The following MPP3 variants were observed in gnomAD, a reference collection of about 807,000 sequenced individuals.
MPP3 encodes the protein MAGUK p55 scaffold protein 3, also known as MAGUK p55 subfamily member 3.
Under a neutral mutation model 80.7 loss-of-function variants are expected in MPP3, and 48 were observed. The observed-to-expected ratio is 0.59, with a 90% CI of 0.47 to 0.76. MPP3 has a LOEUF of 0.76. Among genes scored for constraint, MPP3 ranks in the 30% least tolerant of loss-of-function variants. MPP3 has a pLI of 0.00. For synonymous variants in MPP3, 311 were observed against 297.6 expected, an observed-to-expected ratio of 1.04 and a Z score of -0.46; for missense variants, 620 against 763.0, an observed-to-expected ratio of 0.81 and a Z score of 2.21.
At chr17:43,820,743 T>C (rs549322056) in intron 11 of MPP3, 119 bp downstream of exon 11, 2 of 878,920 alleles carry the variant, frequency 2.3e-6, no homozygotes, top group South Asian at 1.7e-5. Context: ...GGTACTTACC[T>C]TGGGGGAACA....
intron 19 of MPP3, among the ~76,000 whole-genome samples, chr17:43,807,305 C>CT (rs2044660776): frequency 6.7e-6 from 1 of 150,138 alleles, no homozygotes; most frequent in Admixed American, 6.6e-5. Context: ...GAAAATTTTT[C>CT]TTTTTTCTAC....
intron 11 of MPP3, chr17:43,819,083 T>G (rs893963493): frequency 6.6e-6 from 1 of 152,202 alleles, no homozygotes; most frequent in East Asian, 1.9e-4. Flanking sequence ...CAGAATCGCC[T>G]GGAACATTTG....
At position 43,814,228 on chromosome 17, in the gene MPP3, G is replaced by C; in HGVS notation, c.1143C>G (p.Pro381=). The C allele has an allele frequency of 1.9e-6, 3 of 1,613,588 alleles. No individual in the cohort carries two copies. The highest frequency in any genetic ancestry group is 2.5e-6 in the Non-Finnish European group (3 of 1,179,956). The change falls in exon 15 of 20, where the codon CCC becomes CCG. Residue 381 remains proline, a synonymous_variant. Transcript: ENST00000398389. ...GAACCACCAGGCGGGGCCGCTCTCC[G>C]GGCTGGTGTTGGTACCTGGCCACCT... ...YEEVARYQHQ[P]GERPRLVVLI... is the part of the protein sequence containing the mutation.
chr17:43,806,895 A>C (rs1404470731), intron 19 of MPP3, among the ~76,000 whole-genome samples: 7 of 152,140 alleles, frequency 4.6e-5, no homozygotes, highest in African/African-American at 1.7e-4. Flanking sequence ...GGTGTGAGCC[A>C]CTGCACCCAG....
intron 7 of MPP3, among the ~76,000 whole-genome samples, chr17:43,829,089 TAAA>T (rs2045844037): frequency 3.3e-5 from 5 of 152,206 alleles, no homozygotes; most frequent in Admixed American, 3.3e-4. Context: ...CTTTGCTCGG[TAAA>T]TCAATGCTGA....
chr17:43,827,693 G>C (rs2045776663), intron 8 of MPP3, 58 bp downstream of exon 8: 1 of 1,551,226 alleles, frequency 6.4e-7, no homozygotes, highest in African/African-American at 1.4e-5. Context: ...AAAGGTGGAG[G>C]GCTCTGGAAC....
chr17:43,815,759 G>C (rs1222930228), intron 14 of MPP3: 1 of 658,234 alleles, frequency 1.5e-6, no homozygotes, highest in Admixed American at 2.1e-5. Context: ...CAATTGCAAT[G>C]ATGGTGATAA....
At chr17:43,830,239 G>A (rs1157917553) in intron 5 of MPP3, 132 bp from the exon 6 acceptor site, 10 of 543,922 alleles carry the variant, frequency 1.8e-5, no homozygotes, top group African/African-American at 3.9e-5. Flanking sequence ...ACCACCCGAC[G>A]ACGATGATCC....
intron 14 of MPP3, among the ~76,000 whole-genome samples, chr17:43,815,194 T>C (rs932508085): frequency 3.3e-5 from 5 of 151,884 alleles, no homozygotes; most frequent in Admixed American, 2.6e-4. Context: ...TAGCCAGGTA[T>C]AGTGGCATGC....
chr17:43,817,640 CA>C (rs2045209888), intron 12 of MPP3, among the ~76,000 whole-genome samples: 1 of 152,210 alleles, frequency 6.6e-6, no homozygotes, highest in Non-Finnish European at 1.5e-5. Flanking sequence ...GGCAATCTGG[CA>C]GCCCTACCAG....
chr17:43,811,545 A>C, intron 16 of MPP3: 1 of 231,040 alleles, frequency 4.3e-6, no homozygotes, highest in Non-Finnish European at 8.5e-6. Context: ...TATACCCTTA[A>C]CCACTCTGCT....
chr17:43,824,372 T>A (rs2045601364), intron 9 of MPP3, among the ~76,000 whole-genome samples: 1 of 152,088 alleles, frequency 6.6e-6, no homozygotes. Flanking sequence ...CCCAGAGGGC[T>A]CCCTTCCTTG....
Position 43,820,927 on chromosome 17 carries a change from C to T in MPP3, c.816G>A (p.Gln272=). The change falls in exon 11 of 20, where the codon CAG becomes CAA. Residue 272 remains glutamine (Q), a synonymous_variant. Coordinates refer to ENST00000398389, the MANE Select transcript of MPP3 (RefSeq NM_001932.6). ...GGTTGGTGTCCCCGACTCGCTTGGC[C>T]TGCCACCACGTGGGGTCGTCCTGGC... The part of the protein sequence containing the change: ...VVSQDDPTWW[Q]AKRVGDTNLR... 1 of 1,614,198 alleles carries T rather than the reference C, an allele frequency of 6.2e-7. No homozygotes were observed. Among genetic ancestry groups the T allele is most frequent in the Non-Finnish European group, 8.5e-7 (1 of 1,180,026 alleles).
At chr17:43,810,785 G>C in intron 18 of MPP3, 22 bp downstream of exon 18, 1 of 1,524,406 alleles carries the variant, frequency 6.6e-7, no homozygotes, top group Non-Finnish European at 9.0e-7. Context: ...ACCAGAAATG[G>C]CCAGCAGGCC....
Position 43,833,113 on chromosome 17 carries a change from G to A in MPP3, c.-109C>T, listed in dbSNP as rs985053123. The A allele has an allele frequency of 2.0e-5, 3 of 151,684 alleles. No individual in the cohort carries two copies. Among genetic ancestry groups the A allele is most frequent in the East Asian group, 3.9e-4 (2 of 5,164 alleles). 9.4% of individuals were successfully genotyped at this position (151,684 alleles called of 1,614,324 possible). On this transcript the variant is annotated 5_prime_UTR_variant, in exon 1 of 20. Coordinates refer to ENST00000398389, the MANE Select transcript of MPP3 (RefSeq NM_001932.6). ...CGCGGCCTCCTACCTCGTCGCGCCGGGATGTGTGCTCCGCGAACGGGAGCC... is the reference window on the plus strand; with the variant it reads ...CGCGGCCTCCTACCTCGTCGCGCCGAGATGTGTGCTCCGCGAACGGGAGCC...
chr17:43,826,432 C>T (rs564688324), intron 8 of MPP3, among the ~76,000 whole-genome samples: 57 of 152,350 alleles, frequency 3.7e-4, no homozygotes, highest in African/African-American at 1.3e-3. Flanking sequence ...CTCAGACCTG[C>T]TGAATCAGTC....
chr17:43,813,903 G>T, intron 16 of MPP3, 108 bp downstream of exon 16: 2 of 937,686 alleles, frequency 2.1e-6, no homozygotes, highest in Non-Finnish European at 3.2e-6. Context: ...AGTGCCTGGT[G>T]ATCCTTTAAA....
At chr17:43,818,708 T>G (rs1472389996) in intron 11 of MPP3, among the ~76,000 whole-genome samples, 1 of 151,994 alleles carries the variant, frequency 6.6e-6, no homozygotes, top group Non-Finnish European at 1.5e-5. Flanking sequence ...GAGGATCACT[T>G]GAGGTCAGGA....
intron 14 of MPP3, among the ~76,000 whole-genome samples, chr17:43,815,185 A>G (rs560792354): frequency 1.1e-4 from 17 of 152,248 alleles, no homozygotes; most frequent in Non-Finnish European, 2.2e-4. Context: ...TACAAAAATT[A>G]GCCAGGTATA....
Sources: gnomAD v4.1 joint callset for allele counts (sites outside exome capture counted in the v4.1 genomes callset) on GRCh38, gnomAD v4.1.1 for gene constraint, MANE v1.5 for transcripts, NCBI Gene and HGNC (gene_info 2026-07-23, HGNC 2026-07-21) for gene names.